The following NAA15 variants were observed in gnomAD, a reference collection of about 807,000 sequenced individuals.
NAA15 encodes the protein N-alpha-acetyltransferase 15, NatA auxiliary subunit.
Under a neutral mutation model 114.0 loss-of-function variants are expected in NAA15, and 34 were observed. That is an observed-to-expected ratio of 0.30 (90% CI 0.23 to 0.40). The LOEUF (loss-of-function observed/expected upper bound fraction) is 0.40, where lower values mean the gene tolerates loss of function less well. NAA15 is among the 10% of genes least tolerant of loss of function. The pLI, the probability that NAA15 is intolerant of heterozygous loss-of-function variation, is 1.00. For missense variants in NAA15, 658 were observed against 1,004.5 expected, an observed-to-expected ratio of 0.66 and a Z score of 4.66; for synonymous variants, 340 against 338.0, an observed-to-expected ratio of 1.01 and a Z score of -0.06.
At chr4:139,355,709 G>A (rs1020864827) in intron 10 of NAA15, among the ~76,000 whole-genome samples, 1 of 152,110 alleles carries the variant, frequency 6.6e-6, no homozygotes, top group Non-Finnish European at 1.5e-5. Context: ...ATCTTCTAAT[G>A]GACAGGTCCA....
intron 19 of NAA15, 124 bp downstream of exon 19, chr4:139,386,354 T>C (rs1748909920): frequency 1.0e-5 from 5 of 501,262 alleles, no homozygotes; most frequent in South Asian, 7.2e-5. Flanking sequence ...AAACAACTTA[T>C]CTTAAAATTT....
intron 1 of NAA15, among the ~76,000 whole-genome samples, chr4:139,332,861 C>T (rs1747068960): frequency 6.6e-6 from 1 of 152,036 alleles, no homozygotes; most frequent in Non-Finnish European, 1.5e-5. Context: ...GGATTACAAG[C>T]ATGAGCCACC....
At chr4:139,310,498 A>T (rs1746187634) in intron 1 of NAA15, among the ~76,000 whole-genome samples, 1 of 151,518 alleles carries the variant, frequency 6.6e-6, no homozygotes, top group South Asian at 2.1e-4. Context: ...GCTATGTCGT[A>T]TAAAGGATCA....
At chr4:139,327,705 G>C (rs1746848700) in intron 1 of NAA15, among the ~76,000 whole-genome samples, 1 of 151,976 alleles carries the variant, frequency 6.6e-6, no homozygotes, top group Admixed American at 6.6e-5. Flanking sequence ...TCACTCTGTT[G>C]CCCAGGCTGG....
chr4:139,308,818 G>A (rs1278735468), intron 1 of NAA15, among the ~76,000 whole-genome samples: 2 of 151,964 alleles, frequency 1.3e-5, no homozygotes, highest in Non-Finnish European at 2.9e-5. Context: ...GTTTCGCCAT[G>A]TTGGCGAGGC....
intron 15 of NAA15, among the ~76,000 whole-genome samples, chr4:139,375,500 C>T (rs1429755775): frequency 6.6e-6 from 1 of 151,642 alleles, no homozygotes; most frequent in Admixed American, 6.6e-5. Context: ...AATTTTCTTG[C>T]CCAGAAGCTG....
intron 15 of NAA15, among the ~76,000 whole-genome samples, chr4:139,376,079 C>G (rs1475411521): frequency 6.6e-6 from 1 of 152,098 alleles, no homozygotes; most frequent in African/African-American, 2.4e-5. Context: ...GGCTATCTGA[C>G]CTGTTTCTCT....
chr4:139,303,795 C>A (rs1427995815), intron 1 of NAA15, among the ~76,000 whole-genome samples: 1 of 152,204 alleles, frequency 6.6e-6, no homozygotes, highest in African/African-American at 2.4e-5. Flanking sequence ...AAAACTTCAT[C>A]TCTAAATACT....
chr4:139,361,730 A>G lies in NAA15; in HGVS notation c.1546A>G (p.Ile516Val), dbSNP rs1178073801. The G allele has an allele frequency of 2.5e-6, 4 of 1,573,526 alleles. No homozygotes were observed. The highest frequency in any genetic ancestry group is 3.5e-6 in the Non-Finnish European group (4 of 1,157,746). The change falls in exon 14 of 20, where the codon ATA becomes GTA. Residue 516 changes from isoleucine (I) to valine (V), a missense_variant. By Grantham distance (29) the Ile-to-Val change is conservative (BLOSUM62 3). Transcript: ENST00000296543. ...AAAAAGATAATTTTGTTAGCATTTTATAGAAATCACTGATGACCAGTTTGA... is the reference window on the plus strand; with the variant it reads ...AAAAAGATAATTTTGTTAGCATTTTGTAGAAATCACTGATGACCAGTTTGA... ...KKCHEIERHF[I>V]EITDDQFDFH...
At chr4:139,380,201 G>T (rs1432330014) in intron 17 of NAA15, among the ~76,000 whole-genome samples, 2 of 151,462 alleles carry the variant, frequency 1.3e-5, no homozygotes, top group East Asian at 3.9e-4. Context: ...TAACCATATT[G>T]TAGAAAGTAA....
At chr4:139,321,186 T>C (rs1746589732) in intron 1 of NAA15, among the ~76,000 whole-genome samples, 1 of 152,146 alleles carries the variant, frequency 6.6e-6, no homozygotes, top group Non-Finnish European at 1.5e-5. Context: ...TTTTATTATT[T>C]GCTTCTGCTT....
chr4:139,362,894 T>A (rs1748174944), intron 14 of NAA15, among the ~76,000 whole-genome samples: 1 of 152,186 alleles, frequency 6.6e-6, no homozygotes, highest in South Asian at 2.1e-4. Flanking sequence ...TGTTTAATTT[T>A]TTTTTCTTTT....
chr4:139,318,493 A>AT (rs1297143930), intron 1 of NAA15: 3 of 152,176 alleles, frequency 2.0e-5, no homozygotes. Context: ...TTTCTTAAAT[A>AT]TAAAAAAAAT....
rs1429957392 is a variant in NAA15, at chr4:139,361,900, C to T, written c.1716C>T (p.Pro572=). The part of the protein sequence containing the change: ...IEIYLKLHDN[P]LTDENKEHEA... ...TCTATTTGAAGCTTCATGACAACCCCCTTACAGATGAGAATAAAGAACACG... is the reference window on the plus strand; with the variant it reads ...TCTATTTGAAGCTTCATGACAACCCTCTTACAGATGAGAATAAAGAACACG... Residue 572 remains proline (P), a synonymous_variant, in exon 14 of 20, where the codon CCC becomes CCT. Transcript: ENST00000296543. The T allele has an allele frequency of 1.9e-6, 3 of 1,613,374 alleles. No individual in the cohort carries two copies. The highest frequency in any genetic ancestry group is 1.3e-5 in the African/African-American group (1 of 74,838).
At position 139,301,702 on chromosome 4, in the gene NAA15, A is replaced by G; in HGVS notation, c.-76A>G. The G allele has an allele frequency of 2.7e-6, 4 of 1,502,112 alleles. No individual in the cohort carries two copies. The South Asian group carries it at 4.9e-5, about 18-fold the overall frequency. The allele number at this position is 1,502,112 out of a possible 1,614,324, so 93.0% of individuals were successfully genotyped here. A position where few individuals can be genotyped will look rare whatever the true frequency, so the allele number is the denominator to read the frequency against. On this transcript the variant is annotated 5_prime_UTR_variant, in exon 1 of 20. Transcript: ENST00000296543. Reference sequence around the variant, plus strand: ...ATATTCAAGGCTGAAGCAGCTACGGAACGGCAGCGGCGGCGGTCGGACAAA... The same window carrying G: ...ATATTCAAGGCTGAAGCAGCTACGGGACGGCAGCGGCGGCGGTCGGACAAA...
chr4:139,391,368 A>G lies in NAA15; in HGVS notation c.*3284A>G, dbSNP rs2111020434. The G allele has an allele frequency of 6.6e-6, 1 of 152,362 alleles. No individual in the cohort carries two copies. The highest frequency in any genetic ancestry group is 1.9e-4 in the East Asian group (1 of 5,184). The allele number at this position is 152,362 out of a possible 1,614,324, so 9.4% of individuals were successfully genotyped here. A position where few individuals can be genotyped will look rare whatever the true frequency, so the allele number is the denominator to read the frequency against. On this transcript the variant is annotated 3_prime_UTR_variant, in exon 20 of 20. Coordinates refer to ENST00000296543, the MANE Select transcript of NAA15 (RefSeq NM_057175.5). ...GAAAAATTTCAACCTGTAGCAATAA[A>G]ACATTTTTGGAAAAGATTACTGAAT... is the stretch of plus-strand genomic sequence containing the variant.
At chr4:139,314,994 A>AGGTGAGGTGAGGTGAG (rs1560952684) in intron 1 of NAA15, among the ~76,000 whole-genome samples, 2 of 59,938 alleles carry the variant, frequency 3.3e-5, no homozygotes, top group African/African-American at 1.7e-4. Flanking sequence ...CGTTCAGTTC[A>AGGTGAGGTGAGGTGAG]GTTCAGTTTA....
intron 1 of NAA15, among the ~76,000 whole-genome samples, chr4:139,327,406 C>T (rs909608861): frequency 1.2e-4 from 19 of 152,120 alleles, no homozygotes; most frequent in Non-Finnish European, 2.1e-4. Flanking sequence ...TGCGCTGCCA[C>T]GCCCAGCTAA....
intron 2 of NAA15, among the ~76,000 whole-genome samples, chr4:139,335,689 C>T (rs1273743453): frequency 2.6e-5 from 4 of 151,918 alleles, no homozygotes; most frequent in East Asian, 1.9e-4. Flanking sequence ...AAATGTGATT[C>T]TCCAACTCCC....
Sources: allele counts gnomAD v4.1 joint callset (sites outside exome capture counted in the v4.1 genomes callset), GRCh38; gene constraint gnomAD v4.1.1; transcripts MANE v1.5; gene names NCBI Gene and HGNC (gene_info 2026-07-23, HGNC 2026-07-21).